Variants in WDFY3 observed in about 807,000 individuals in gnomAD.
WDFY3 encodes the protein WD repeat and FYVE domain-containing protein 3.
WDFY3 carries 66 observed loss-of-function variants against 409.6 expected under a neutral mutation model. The ratio of observed to expected loss-of-function variants is 0.16; its 90% CI spans 0.13 to 0.20. WDFY3 has a LOEUF of 0.20. WDFY3 is among the 10% of genes least tolerant of loss of function. The probability of loss-of-function intolerance (pLI) is 1.00; values close to 1 mark genes in which losing one functional copy is unlikely to be tolerated. For synonymous variants in WDFY3, 1,521 were observed against 1,537.1 expected, an observed-to-expected ratio of 0.99 and a Z score of 0.25; for missense variants, 3,031 against 4,298.1, an observed-to-expected ratio of 0.71 and a Z score of 8.24.
chr4:84,936,823 T>G (rs766277175), intron 1 of WDFY3, among the ~76,000 whole-genome samples: 18 of 152,038 alleles, frequency 1.2e-4, no homozygotes, highest in Admixed American at 7.2e-4. Context: ...CACCTGAATC[T>G]GTACCCTTTC....
chr4:84,891,592 A>G (rs1764965291), intron 3 of WDFY3, among the ~76,000 whole-genome samples: 1 of 152,184 alleles, frequency 6.6e-6, no homozygotes, highest in South Asian at 2.1e-4. Context: ...CATGATAAAT[A>G]TAAGAAAATG....
At chr4:84,801,937 G>T in intron 16 of WDFY3, 73 bp from the exon 17 acceptor site, 1 of 1,443,250 alleles carries the variant, frequency 6.9e-7, no homozygotes. Context: ...TTCACATGAA[G>T]CATACCTTTT....
chr4:84,764,790 G>A (rs1048568437), intron 32 of WDFY3, among the ~76,000 whole-genome samples: 21 of 151,720 alleles, frequency 1.4e-4, no homozygotes, highest in African/African-American at 3.6e-4. Flanking sequence ...GAATGAACCC[G>A]GAAGGTGGAG....
intron 3 of WDFY3, among the ~76,000 whole-genome samples, chr4:84,875,682 T>G (rs1245700250): frequency 2.6e-5 from 4 of 152,232 alleles, no homozygotes; most frequent in African/African-American, 9.6e-5. Context: ...TATATCATTA[T>G]TCTATAAGCA....
At chr4:84,908,228 C>G (rs1264727844) in intron 2 of WDFY3, among the ~76,000 whole-genome samples, 1 of 152,144 alleles carries the variant, frequency 6.6e-6, no homozygotes, top group Non-Finnish European at 1.5e-5. Context: ...TAAAAGGAAA[C>G]TGCAGCTATC....
chr4:84,792,068 T>G (rs907222187), intron 21 of WDFY3, among the ~76,000 whole-genome samples: 3 of 152,184 alleles, frequency 2.0e-5, no homozygotes, highest in Non-Finnish European at 2.9e-5. Context: ...TTTCACTGCA[T>G]GTACAAACAA....
At chr4:84,836,095 C>G (rs1756534759) in intron 7 of WDFY3, among the ~76,000 whole-genome samples, 1 of 152,138 alleles carries the variant, frequency 6.6e-6, no homozygotes, top group African/African-American at 2.4e-5. Flanking sequence ...TATATGTACA[C>G]TGCTGTGCAA....
At chr4:84,867,382 A>C (rs1461652703) in intron 3 of WDFY3, among the ~76,000 whole-genome samples, 2 of 152,308 alleles carry the variant, frequency 1.3e-5, no homozygotes, top group Admixed American at 6.5e-5. Flanking sequence ...AATAAGAACA[A>C]ACCACAGAAG....
chr4:84,715,006 C>T (rs978854120), intron 50 of WDFY3, among the ~76,000 whole-genome samples: 7 of 151,194 alleles, frequency 4.6e-5, no homozygotes, highest in African/African-American at 1.5e-4. Flanking sequence ...TTTAAAGCTA[C>T]AGTTTCATCA....
In WDFY3 at chr4:84,947,825, G is replaced by A. The variant is rs537081923; in HGVS notation, c.-225-15462C>T. 1.4e-3 allele frequency among the ~76,000 whole-genome samples: 212 copies of A among 151,724 alleles called. 1 individual carries two copies. The South Asian group carries it at 0.024, about 17-fold the overall frequency. The stretch of plus-strand genomic sequence containing the variant: ...TACTTGAGCCTGGAAGGTAAAGGCT[G>A]TAGTGAGTCATAATCATGCCACTGT... On this transcript the variant is annotated intron_variant, in intron 1 of 67. Coordinates refer to ENST00000295888, the MANE Select transcript of WDFY3 (RefSeq NM_014991.6).
rs1297753771 is a variant in WDFY3, at chr4:84,810,348, C to T, written c.1888-4G>A. On this transcript the variant is annotated splice_polypyrimidine_tract_variant and splice_region_variant and intron_variant, in intron 13 of 67. Transcript: ENST00000295888. ...CTCGAAGGACCGACAGGAGGGCCTA[C>T]AGGAGACAAAAGAAAAAACAAATGA... The T allele has an allele frequency of 2.0e-6, 3 of 1,465,586 alleles. No homozygotes were observed. 90.8% of individuals were successfully genotyped at this position (1,465,586 alleles called of 1,614,324 possible).
At chr4:84,884,810 T>C (rs2150434970) in intron 3 of WDFY3, among the ~76,000 whole-genome samples, 1 of 152,152 alleles carries the variant, frequency 6.6e-6, no homozygotes, top group East Asian at 1.9e-4. Flanking sequence ...ACCAAACATG[T>C]GATAATTGTC....
At chr4:84,921,274 G>T (rs1769231001) in intron 2 of WDFY3, among the ~76,000 whole-genome samples, 1 of 151,364 alleles carries the variant, frequency 6.6e-6, no homozygotes, top group Admixed American at 6.6e-5. Flanking sequence ...TAAGAACCCT[G>T]GAAGAAGGAA....
intron 33 of WDFY3, among the ~76,000 whole-genome samples, chr4:84,756,223 C>T (rs546126279): frequency 6.6e-6 from 1 of 152,204 alleles, no homozygotes; most frequent in Non-Finnish European, 1.5e-5. Context: ...CTGTCATACC[C>T]ACTCGAGGAG....
intron 3 of WDFY3, among the ~76,000 whole-genome samples, chr4:84,879,723 T>A (rs917418674): frequency 6.6e-6 from 1 of 151,872 alleles, no homozygotes; most frequent in Admixed American, 6.6e-5. Context: ...ATTTGCAACA[T>A]CTATAATGAA....
At chr4:84,803,239 C>G (rs766122126) in intron 16 of WDFY3, 51 bp downstream of exon 16, 1 of 1,525,622 alleles carries the variant, frequency 6.6e-7, no homozygotes, top group South Asian at 1.3e-5. Flanking sequence ...TACTCACATC[C>G]TTTCATTCAT....
intron 5 of WDFY3, among the ~76,000 whole-genome samples, chr4:84,848,769 C>CT (rs1300654524): frequency 6.6e-6 from 1 of 152,156 alleles, no homozygotes; most frequent in Non-Finnish European, 1.5e-5. Context: ...TAAACCACAG[C>CT]TGTGTATTCA....
chr4:84,713,179 T>C lies in WDFY3; in HGVS notation c.8022A>G (p.Pro2674=). The change falls in exon 51 of 68, where the codon CCA becomes CCG. Residue 2674 remains proline (P), a synonymous_variant. Coordinates refer to ENST00000295888, the MANE Select transcript of WDFY3 (RefSeq NM_014991.6). ...CCTACCCCTGCTCCACACTCGTGTT[T>C]GGTCGTTGCCCAGATACAGATTCTG... ...DSSESVSGQR[P]NTSVEQGSGL... is the part of the protein sequence containing the mutation. 6.2e-7 allele frequency: 1 copy of C among 1,614,206 alleles called. No individual in the cohort carries two copies. The highest frequency in any genetic ancestry group is 8.5e-7 in the Non-Finnish European group (1 of 1,180,032).
intron 12 of WDFY3, among the ~76,000 whole-genome samples, chr4:84,818,474 T>C (rs1176910254): frequency 6.6e-6 from 1 of 152,172 alleles, no homozygotes; most frequent in Non-Finnish European, 1.5e-5. Context: ...TTTCTCCTGA[T>C]TTGTGTTTCA....
Sources: gnomAD v4.1 joint callset for allele counts (sites outside exome capture counted in the v4.1 genomes callset) on GRCh38, gnomAD v4.1.1 for gene constraint, MANE v1.5 for transcripts, NCBI Gene and HGNC (gene_info 2026-07-23, HGNC 2026-07-21) for gene names.